Variants in JMJD1C observed in about 807,000 individuals in gnomAD.
JMJD1C encodes jumonji domain containing 1C.
A neutral mutation model predicts 245.3 loss-of-function variants in JMJD1C; 31 were observed. The ratio of observed to expected loss-of-function variants is 0.13; its 90% CI spans 0.09 to 0.17. The LOEUF is 0.17. Among genes scored for constraint, JMJD1C ranks in the 10% least tolerant of loss-of-function variants. The probability of loss-of-function intolerance (pLI) is 1.00; values close to 1 mark genes in which losing one functional copy is unlikely to be tolerated. For missense variants in JMJD1C, 2,691 were observed against 3,000.2 expected (o/e 0.90, Z 2.41); for synonymous variants, 1,057 against 1,017.4 (o/e 1.04, Z -0.74).
At chr10:63,239,022 A>G (rs1851143558) in intron 3 of JMJD1C, among the ~76,000 whole-genome samples, 2 of 152,176 alleles carry the variant, frequency 1.3e-5, no homozygotes, top group Non-Finnish European at 2.9e-5. Flanking sequence ...CGGGTGACCT[A>G]GTTAGGTGTG....
chr10:63,287,032 G>A (rs1327749588), intron 2 of JMJD1C, among the ~76,000 whole-genome samples: 4 of 152,146 alleles, frequency 2.6e-5, no homozygotes, highest in Admixed American at 1.3e-4. Flanking sequence ...GCAACATAGG[G>A]AGATCTTGTC....
intron 2 of JMJD1C, among the ~76,000 whole-genome samples, chr10:63,371,149 T>G (rs1946284532): frequency 6.6e-6 from 1 of 151,356 alleles, no homozygotes; most frequent in South Asian, 2.1e-4. Flanking sequence ...AGGCTAATTT[T>G]TTTTTTTTTT....
At chr10:63,235,264 G>C (rs908209632) in intron 3 of JMJD1C, among the ~76,000 whole-genome samples, 10 of 152,192 alleles carry the variant, frequency 6.6e-5, no homozygotes, top group African/African-American at 1.2e-4. Context: ...GGAAGGCTGA[G>C]GCAGGTGGAT....
chr10:63,194,420 T>C (rs1482881827), intron 13 of JMJD1C, 45 bp from the exon 14 acceptor site: 10 of 1,259,156 alleles, frequency 7.9e-6, no homozygotes, highest in Non-Finnish European at 1.2e-5. Context: ...GGTTTCATAA[T>C]TATAAATTGA....
intron 4 of JMJD1C, 102 bp downstream of exon 4, chr10:63,219,776 C>A: frequency 1.5e-6 from 1 of 677,272 alleles, no homozygotes; most frequent in Admixed American, 2.3e-5. Context: ...AAATATTGGA[C>A]TGGGCCTTCT....
intron 2 of JMJD1C, among the ~76,000 whole-genome samples, chr10:63,271,260 G>A (rs1298982900): frequency 6.6e-6 from 1 of 151,810 alleles, no homozygotes; most frequent in Non-Finnish European, 1.5e-5. Flanking sequence ...TGCAACCTCT[G>A]CCCCCGTGGG....
chr10:63,253,844 G>T (rs1251890671), intron 3 of JMJD1C, among the ~76,000 whole-genome samples: 3 of 152,108 alleles, frequency 2.0e-5, no homozygotes, highest in African/African-American at 7.2e-5. Flanking sequence ...CGACCAGAAT[G>T]AATTCCTTAT....
rs139203523 is a variant in JMJD1C at position 63,427,146 on chromosome 10, G to A, written c.168+38349C>T. On this transcript the variant is annotated intron_variant, in intron 1 of 25. Coordinates refer to ENST00000399262, the MANE Select transcript of JMJD1C (RefSeq NM_032776.3). ...ATTAAGACAGCGGACAACTCATGGC[G>A]GTGGCGGCAGCAGCTGCTTGGGCAT... is the stretch of plus-strand genomic sequence containing the variant. 5.8e-3 allele frequency among the ~76,000 whole-genome samples: 882 copies of A among 151,792 alleles called. 12 individuals are homozygous for A. Among genetic ancestry groups the A allele is most frequent in the African/African-American group, 0.02 (825 of 41,174 alleles).
chr10:63,378,811 C>A (rs1490130436), intron 2 of JMJD1C, among the ~76,000 whole-genome samples: 2 of 152,002 alleles, frequency 1.3e-5, no homozygotes, highest in Non-Finnish European at 2.9e-5. Context: ...GGGTTAAGGT[C>A]TATAAAAGTT....
At chr10:63,232,208 T>C (rs537558776) in intron 3 of JMJD1C, among the ~76,000 whole-genome samples, 1 of 152,206 alleles carries the variant, frequency 6.6e-6, no homozygotes, top group East Asian at 1.9e-4. Context: ...GTCTTAACAA[T>C]CATCTTCTCA....
chr10:63,372,860 G>A (rs1047813977), intron 2 of JMJD1C: 2 of 168,002 alleles, frequency 1.2e-5, no homozygotes, highest in East Asian at 1.9e-4. Context: ...TAGGAGCACA[G>A]GATGGTTATA....
chr10:63,301,645 ACCAGGGCCTGT>A, intron 2 of JMJD1C: 2 of 360,308 alleles, frequency 5.6e-6, no homozygotes, highest in South Asian at 4.0e-5. Context: ...AACATCACAG[ACCAGGGCCTGT>A]CCGGGGCCTG....
intron 1 of JMJD1C, among the ~76,000 whole-genome samples, chr10:63,402,085 G>A (rs1948892772): frequency 6.7e-6 from 1 of 149,858 alleles, no homozygotes; most frequent in Admixed American, 6.8e-5. Context: ...AATGAGCCCA[G>A]ATAGCGCCAT....
At chr10:63,508,480 T>C (rs1237455458) in intron 1 of JMJD1C, among the ~76,000 whole-genome samples, 2 of 152,174 alleles carry the variant, frequency 1.3e-5, no homozygotes, top group African/African-American at 4.8e-5. Flanking sequence ...TGCCTCTCCA[T>C]ATAAACTTTA....
intron 1 of JMJD1C, among the ~76,000 whole-genome samples, chr10:63,398,646 T>A (rs2393974): frequency 0.94 from 135,570 of 143,730 alleles, 63,758 homozygotes; most frequent in South Asian, 0.99. Flanking sequence ...TGAAAAAAAA[T>A]TTTTTTTTTT....
chr10:63,259,495 AG>A (rs949408445), intron 3 of JMJD1C, among the ~76,000 whole-genome samples: 12 of 152,216 alleles, frequency 7.9e-5, no homozygotes, highest in Admixed American at 6.5e-5. Context: ...AGCTATTTTT[AG>A]TAAAACAGAT....
chr10:63,285,770 T>G (rs552844832), intron 2 of JMJD1C, among the ~76,000 whole-genome samples: 22 of 152,288 alleles, frequency 1.4e-4, no homozygotes, highest in African/African-American at 5.1e-4. Context: ...ATCACACCAC[T>G]GCACTCGAGA....
In JMJD1C at chr10:63,477,228, C is replaced by T. The variant is rs10995542; in HGVS notation, n.113+44510G>A. On this transcript the variant is annotated intron_variant and non_coding_transcript_variant, in intron 1 of 3. Coordinates refer to the JMJD1C transcript ENST00000633035. ...ATGGTATTAATTTTTTTTTTGACAC[C>T]GACAAGTTGATTCTAAACCCAAATA... 6.3e-3 allele frequency among the ~76,000 whole-genome samples: 951 copies of T among 151,528 alleles called. 11 individuals carry two copies. The highest frequency in any genetic ancestry group is 0.021 in the African/African-American group (873 of 41,354).
chr10:63,225,989 C>T (rs1037831282), intron 3 of JMJD1C, among the ~76,000 whole-genome samples: 10 of 149,846 alleles, frequency 6.7e-5, no homozygotes, highest in Non-Finnish European at 1.2e-4. Flanking sequence ...TCCCCCACCC[C>T]CCCCTTCCCT....
Sources: gnomAD v4.1 joint callset for allele counts (sites outside exome capture counted in the v4.1 genomes callset) on GRCh38, gnomAD v4.1.1 for gene constraint, MANE v1.5 for transcripts, NCBI Gene and HGNC (gene_info 2026-07-23, HGNC 2026-07-21) for gene names.